NR6A1: variants seen among roughly 807,000 people sequenced by gnomAD.
NR6A1 encodes the protein retinoic acid receptor-related testis-associated receptor.
In NR6A1, 7 loss-of-function variants were observed where a neutral mutation model predicts 59.1. The ratio of observed to expected loss-of-function variants is 0.12; its 90% CI spans 0.07 to 0.22. The LOEUF (loss-of-function observed/expected upper bound fraction) is 0.22, where lower values mean the gene tolerates loss of function less well. NR6A1 is among the 10% of genes least tolerant of loss of function. The pLI, the probability that NR6A1 is intolerant of heterozygous loss-of-function variation, is 1.00. For synonymous variants in NR6A1, 243 were observed against 236.1 expected (o/e 1.03, Z -0.27); for missense variants, 468 against 611.6 (o/e 0.77, Z 2.48).
intron 2 of NR6A1, among the ~76,000 whole-genome samples, chr9:124,647,818 TAA>T (rs1836983023): frequency 6.8e-6 from 1 of 146,046 alleles, no homozygotes. Flanking sequence ...GAGGCAGTAA[TAA>T]AAAGTTTCCC....
At chr9:124,536,349 G>C (rs1588645861) in intron 6 of NR6A1, among the ~76,000 whole-genome samples, 2 of 152,106 alleles carry the variant, frequency 1.3e-5, no homozygotes, top group South Asian at 4.1e-4. Context: ...GTCTGGTGAG[G>C]AAAGGCTGCT....
chr9:124,617,994 C>T (rs1835949424), intron 2 of NR6A1, among the ~76,000 whole-genome samples: 1 of 152,132 alleles, frequency 6.6e-6, no homozygotes, highest in Admixed American at 6.5e-5. Flanking sequence ...TTACTGAAGC[C>T]CAACCCCTGG....
At chr9:124,595,905 G>A in intron 2 of NR6A1, 5 of 979,494 alleles carry the variant, frequency 5.1e-6, no homozygotes, top group Non-Finnish European at 7.0e-6. Context: ...CATCCTCACA[G>A]GTCAGTTTAC....
chr9:124,687,905 C>T (rs1838390256), intron 2 of NR6A1, among the ~76,000 whole-genome samples: 1 of 152,224 alleles, frequency 6.6e-6, no homozygotes, highest in Admixed American at 6.5e-5. Context: ...TCGAATAGTA[C>T]ACAACTCCAT....
rs11316308 is a variant in NR6A1, at chr9:124,718,803, C to CT, written c.142+14504dup. ...TCCCCTATTAAACTTAAATTGTTACCTTTTTTTTTTTTTTTTTTTTTTTTT... is the reference window on the plus strand; with the variant it reads ...TCCCCTATTAAACTTAAATTGTTACCTTTTTTTTTTTTTTTTTTTTTTTTTT... On this transcript the variant is annotated intron_variant, in intron 2 of 9. Transcript: ENST00000487099. Among the ~76,000 whole-genome samples the CT allele has an allele frequency of 7.6e-4, 49 of 64,570 alleles. 1 individual carries two copies. Among genetic ancestry groups the CT allele is most frequent in the East Asian group, 2.3e-3 (4 of 1,728 alleles). The allele number at this position is 64,570 out of a possible 152,430, so 42.4% of individuals were successfully genotyped here. A position where few individuals can be genotyped will look rare whatever the true frequency, so the allele number is the denominator to read the frequency against.
intron 2 of NR6A1, among the ~76,000 whole-genome samples, chr9:124,608,324 G>A (rs1310163656): frequency 2.0e-5 from 3 of 151,722 alleles, no homozygotes; most frequent in Non-Finnish European, 2.9e-5. Context: ...CCCAGTGTGT[G>A]TTGTTCCCCT....
chr9:124,558,278 A>G (rs1833983737), intron 2 of NR6A1, among the ~76,000 whole-genome samples: 1 of 152,184 alleles, frequency 6.6e-6, no homozygotes, highest in Non-Finnish European at 1.5e-5. Context: ...AAAAGGCCAC[A>G]CTGAGATCAA....
chr9:124,649,783 A>G (rs1216921165), intron 2 of NR6A1, among the ~76,000 whole-genome samples: 1 of 152,144 alleles, frequency 6.6e-6, no homozygotes, highest in Non-Finnish European at 1.5e-5. Context: ...TTAAAATGGG[A>G]AAAAAAGATG....
chr9:124,532,728 C>T (rs530106234), intron 7 of NR6A1, among the ~76,000 whole-genome samples: 4 of 152,320 alleles, frequency 2.6e-5, no homozygotes, highest in Admixed American at 6.5e-5. Context: ...AAGACAGCAA[C>T]GCTCAATAAA....
intron 1 of NR6A1, among the ~76,000 whole-genome samples, chr9:124,760,947 A>G (rs1347687635): frequency 6.6e-6 from 1 of 152,246 alleles, no homozygotes; most frequent in Non-Finnish European, 1.5e-5. Context: ...ATGCATGTCA[A>G]TGGGGGGCTT....
intron 2 of NR6A1, among the ~76,000 whole-genome samples, chr9:124,670,252 T>A (rs1299445563): frequency 1.3e-5 from 2 of 150,264 alleles, no homozygotes; most frequent in East Asian, 3.9e-4. Context: ...ATTAGCCAGC[T>A]GTGATGGCAC....
chr9:124,727,043 C>A (rs1006197890), intron 2 of NR6A1, among the ~76,000 whole-genome samples: 17 of 152,350 alleles, frequency 1.1e-4, no homozygotes, highest in Admixed American at 1.1e-3. Flanking sequence ...AGAAACTCTG[C>A]ATTCCAGATC....
intron 2 of NR6A1, chr9:124,693,579 G>C: frequency 7.6e-6 from 3 of 395,940 alleles, no homozygotes; most frequent in South Asian, 5.7e-5. Context: ...ACACCTGTGT[G>C]GGCCCTCAAT....
intron 2 of NR6A1, among the ~76,000 whole-genome samples, chr9:124,719,823 G>A (rs1479999487): frequency 6.6e-6 from 1 of 151,980 alleles, no homozygotes; most frequent in Non-Finnish European, 1.5e-5. Context: ...GGGAGACTGA[G>A]GTGAGAAGAA....
chr9:124,526,843 G>A lies in NR6A1; in HGVS notation c.1137C>T (p.Phe379=), dbSNP rs764908578. ...IERLIYLYHK[F]HQLKVSNEEY... is the part of the protein sequence containing the mutation. ...CCTCGTTGCTGACCTTTAGCTGATG[G>A]AACTTGTGATAGAGGTAGATGAGCC... is the stretch of plus-strand genomic sequence containing the variant. Residue 379 remains phenylalanine, a synonymous_variant, in exon 8 of 10, where the codon TTC becomes TTT. Transcript: ENST00000487099. 3.1e-6 allele frequency: 5 copies of A among 1,614,004 alleles called. No individual in the cohort carries two copies. The highest frequency in any genetic ancestry group is 4.2e-6 in the Non-Finnish European group (5 of 1,179,992).
intron 2 of NR6A1, among the ~76,000 whole-genome samples, chr9:124,728,637 A>AAAATAAATAAATAAAT (rs57250774): frequency 0.018 from 2,655 of 144,888 alleles, 55 homozygotes; most frequent in East Asian, 0.059. Flanking sequence ...TCCGCCTCAA[A>AAAATAAATAAATAAAT]AAATAAATAA....
At chr9:124,622,352 G>A (rs779220343) in intron 2 of NR6A1, among the ~76,000 whole-genome samples, 21 of 152,122 alleles carry the variant, frequency 1.4e-4, no homozygotes, top group Non-Finnish European at 2.8e-4. Context: ...TGACAATGTC[G>A]GTGATCTCCC....
At chr9:124,617,121 T>C (rs1288769846) in intron 2 of NR6A1, among the ~76,000 whole-genome samples, 2 of 152,132 alleles carry the variant, frequency 1.3e-5, no homozygotes, top group Admixed American at 1.3e-4. Context: ...AAACCAGACT[T>C]TTAGACTTCA....
rs142785955 is a variant in NR6A1, at chr9:124,529,554, C to T, written c.1080-2654G>A. On this transcript the variant is annotated intron_variant, in intron 7 of 9. Coordinates refer to ENST00000487099, the MANE Select transcript of NR6A1 (RefSeq NM_033334.4). ...GTGGTGGTGAGGCCAATGTTCAAACCTAGGTTTTCTAATTCCAAGCATATG... is the reference window on the plus strand; with the variant it reads ...GTGGTGGTGAGGCCAATGTTCAAACTTAGGTTTTCTAATTCCAAGCATATG... Among the ~76,000 whole-genome samples, 545 of 152,304 alleles carry T rather than the reference C, an allele frequency of 3.6e-3. 3 individuals are homozygous for T. Among genetic ancestry groups the T allele is most frequent in the Admixed American group, 0.021 (322 of 15,304 alleles).
Sources: gnomAD v4.1 joint callset for allele counts (sites outside exome capture counted in the v4.1 genomes callset) on GRCh38, gnomAD v4.1.1 for gene constraint, MANE v1.5 for transcripts, NCBI Gene and HGNC (gene_info 2026-07-23, HGNC 2026-07-21) for gene names.